The following AFF4 variants were observed in gnomAD, a reference collection of about 807,000 sequenced individuals.
AFF4 encodes ALF transcription elongation factor 4.
A neutral mutation model predicts 124.8 loss-of-function variants in AFF4; 13 were observed. The observed-to-expected ratio is 0.10, with a 90% CI of 0.07 to 0.17. The LOEUF (loss-of-function observed/expected upper bound fraction) is 0.17, where lower values mean the gene tolerates loss of function less well. Ranked by LOEUF, AFF4 falls within the 10% of genes least tolerant of loss-of-function variation. The probability of loss-of-function intolerance (pLI) is 1.00; values close to 1 mark genes in which losing one functional copy is unlikely to be tolerated. For synonymous variants in AFF4, 477 were observed against 496.1 expected (o/e 0.96, Z 0.51); for missense variants, 1,092 against 1,403.8 (o/e 0.78, Z 3.55).
intron 10 of AFF4, 145 bp downstream of exon 10, chr5:132,898,085 C>T: frequency 9.6e-7 from 1 of 1,041,286 alleles, no homozygotes; most frequent in Non-Finnish European, 1.4e-6. Context: ...ATCTAGATTT[C>T]CTCCAACGTA....
At chr5:132,942,567 T>G (rs985328830) in intron 1 of AFF4, among the ~76,000 whole-genome samples, 1 of 151,516 alleles carries the variant, frequency 6.6e-6, no homozygotes, top group African/African-American at 2.4e-5. Flanking sequence ...CGGATTCAAG[T>G]GATTCTCCTA....
chr5:132,946,814 A>ATTTTGC (rs1342956986), intron 1 of AFF4, among the ~76,000 whole-genome samples: 14 of 152,230 alleles, frequency 9.2e-5, no homozygotes, highest in Non-Finnish European at 2.1e-4. Context: ...AAAAATTAGT[A>ATTTTGC]CACCTTAAAA....
At chr5:132,940,701 G>T (rs978019879) in intron 1 of AFF4, among the ~76,000 whole-genome samples, 1 of 151,976 alleles carries the variant, frequency 6.6e-6, no homozygotes, top group East Asian at 1.9e-4. Context: ...CACTTATAAG[G>T]CTACCAGGAA....
chr5:132,901,337 G>GT (rs1760547232), intron 7 of AFF4, among the ~76,000 whole-genome samples: 1 of 152,180 alleles, frequency 6.6e-6, no homozygotes, highest in Non-Finnish European at 1.5e-5. Context: ...TAAGTATGAT[G>GT]AATAGGAGTA....
In AFF4 at chr5:132,898,469, ACTTT is replaced by A. The variant is rs1581280422; in HGVS notation, c.1227-81_1227-78del. The A allele has an allele frequency of 1.2e-5, 18 of 1,440,662 alleles. No individual in the cohort carries two copies. The South Asian group carries it at 2.0e-4, about 16-fold the overall frequency. The allele number at this position is 1,440,662 out of a possible 1,614,324, so 89.2% of individuals were successfully genotyped here. A position where few individuals can be genotyped will look rare whatever the true frequency, so the allele number is the denominator to read the frequency against. Reference sequence around the variant, plus strand: ...AGGAAAACATCCAAATCGACAACCAACTTTCTTTTTTTCTTCTTGTCTTTTTTTT... The same window carrying A: ...AGGAAAACATCCAAATCGACAACCAACTTTTTTTCTTCTTGTCTTTTTTTT... On this transcript the variant is annotated intron_variant, in intron 9 of 20. Transcript: ENST00000265343.
chr5:132,875,921 A>G lies in AFF4; in HGVS notation c.*5138T>C. 1 of 226,988 alleles carries G rather than the reference A, an allele frequency of 4.4e-6. No homozygotes were observed. The highest frequency in any genetic ancestry group is 8.8e-6 in the Non-Finnish European group (1 of 113,880). The allele number at this position is 226,988 out of a possible 1,614,324, so 14.1% of individuals were successfully genotyped here. On this transcript the variant is annotated 3_prime_UTR_variant, in exon 21 of 21. Transcript: ENST00000265343. ...GTCACTAACAGTACCTTTCTGCAAA[A>G]TCAACAGGCTTTTAATTTATCAGTG...
At chr5:132,926,303 A>G (rs1761170029) in intron 5 of AFF4, 2 of 430,320 alleles carry the variant, frequency 4.6e-6, no homozygotes, top group Admixed American at 5.2e-5. Flanking sequence ...CACAAGGAGA[A>G]TGTATTTCTG....
chr5:132,945,998 T>C lies in AFF4; in HGVS notation c.-4-8805A>G, dbSNP rs1472874607. 2.6e-5 allele frequency among the ~76,000 whole-genome samples: 4 copies of C among 152,222 alleles called. No homozygotes were observed. The East Asian group carries it at 7.7e-4, about 29-fold the overall frequency. ...TTGCTTGAACCCGGGACGCGGAGGT[T>C]GTGGTGAGCCACGATTGCACCATTG... is the stretch of plus-strand genomic sequence containing the variant. On this transcript the variant is annotated intron_variant, in intron 1 of 20. Coordinates refer to ENST00000265343, the MANE Select transcript of AFF4 (RefSeq NM_014423.4).
chr5:132,936,053 G>C (rs1282906500), intron 2 of AFF4, among the ~76,000 whole-genome samples: 2 of 151,810 alleles, frequency 1.3e-5, no homozygotes, highest in Non-Finnish European at 2.9e-5. Flanking sequence ...GGATCATGAG[G>C]TCAAGAGATC....
chr5:132,935,357 G>A (rs1462906597), intron 2 of AFF4, among the ~76,000 whole-genome samples: 1 of 152,204 alleles, frequency 6.6e-6, no homozygotes, highest in Non-Finnish European at 1.5e-5. Flanking sequence ...CAGGTGCAGT[G>A]GCTCACACCT....
Position 132,877,006 on chromosome 5 carries a change from A to G in AFF4, c.*4053T>C. The G allele has an allele frequency of 5.0e-6, 1 of 198,722 alleles. No homozygotes were observed. Among genetic ancestry groups the G allele is most frequent in the Non-Finnish European group, 1.0e-5 (1 of 95,752 alleles). The allele number at this position is 198,722 out of a possible 1,614,324, so 12.3% of individuals were successfully genotyped here. A position where few individuals can be genotyped will look rare whatever the true frequency, so the allele number is the denominator to read the frequency against. On this transcript the variant is annotated 3_prime_UTR_variant, in exon 21 of 21. Transcript: ENST00000265343. ...TGTACAGTATTATTACTGGAAAAAAAGCCTGCCTCTTCAATACATTAATGC... is the reference window on the plus strand; with the variant it reads ...TGTACAGTATTATTACTGGAAAAAAGGCCTGCCTCTTCAATACATTAATGC...
rs1299362331 is a variant in AFF4, at chr5:132,881,302, A to G, written c.3365-116T>C. On this transcript the variant is annotated intron_variant, in intron 20 of 20. Transcript: ENST00000265343. The stretch of plus-strand genomic sequence containing the variant: ...AAACTCAAAAAATACCTCCTCCTAC[A>G]CTAAAATGCTTACTGTCCATGTTTT... 2.8e-6 allele frequency: 3 copies of G among 1,078,700 alleles called. No homozygotes were observed. The African/African-American group carries it at 4.8e-5, about 17-fold the overall frequency. The allele number at this position is 1,078,700 out of a possible 1,614,324, so 66.8% of individuals were successfully genotyped here.
chr5:132,891,741 C>G (rs1362612879), intron 13 of AFF4: 1 of 211,670 alleles, frequency 4.7e-6, no homozygotes, highest in Non-Finnish European at 9.4e-6. Context: ...GCAACTAGAA[C>G]CACTTAGTTC....
chr5:132,919,028 G>A (rs1050399860), intron 5 of AFF4, among the ~76,000 whole-genome samples: 2 of 151,872 alleles, frequency 1.3e-5, no homozygotes, highest in Non-Finnish European at 2.9e-5. Flanking sequence ...TTACAGGTGT[G>A]CACCACCATG....
At chr5:132,909,270 A>G (rs934418465) in intron 5 of AFF4, among the ~76,000 whole-genome samples, 2 of 150,946 alleles carry the variant, frequency 1.3e-5, no homozygotes, top group South Asian at 2.1e-4. Context: ...TCAGCCTCCC[A>G]AGTAGCTGGG....
chr5:132,959,092 A>G (rs1224814755), intron 1 of AFF4, among the ~76,000 whole-genome samples: 5 of 152,074 alleles, frequency 3.3e-5, no homozygotes, highest in Non-Finnish European at 7.4e-5. Flanking sequence ...AAGTTACATA[A>G]AATGCCTTCT....
chr5:132,898,103 C>T (rs1169803298), intron 10 of AFF4, 127 bp downstream of exon 10: 21 of 1,223,316 alleles, frequency 1.7e-5, no homozygotes, highest in Non-Finnish European at 2.4e-5. Flanking sequence ...GTACACAGTA[C>T]AATTTCTTTT....
chr5:132,944,463 T>C (rs1375765903), intron 1 of AFF4, among the ~76,000 whole-genome samples: 3 of 150,518 alleles, frequency 2.0e-5, no homozygotes, highest in Admixed American at 6.6e-5. Context: ...CTGGGCAACA[T>C]GGTGAAACTC....
intron 13 of AFF4, among the ~76,000 whole-genome samples, chr5:132,889,658 C>T (rs572497539): frequency 6.6e-6 from 1 of 152,308 alleles, no homozygotes; most frequent in South Asian, 2.1e-4. Flanking sequence ...AATGAAAAAG[C>T]AGTCTCAAGG....
Sources: gnomAD v4.1 joint callset for allele counts (sites outside exome capture counted in the v4.1 genomes callset) on GRCh38, gnomAD v4.1.1 for gene constraint, MANE v1.5 for transcripts, NCBI Gene and HGNC (gene_info 2026-07-23, HGNC 2026-07-21) for gene names.